Variants in SGCZ observed in about 807,000 individuals in gnomAD.
SGCZ encodes zeta-sarcoglycan.
A neutral mutation model predicts 41.3 loss-of-function variants in SGCZ; 40 were observed. The observed-to-expected ratio is 0.97, with a 90% CI of 0.75 to 1.26. The LOEUF (loss-of-function observed/expected upper bound fraction) is 1.26. Ranked by LOEUF, SGCZ falls within the 50% of genes most tolerant of loss-of-function variation. SGCZ has a pLI of 0.00. For synonymous variants in SGCZ, 206 were observed against 137.5 expected (o/e 1.50, Z -3.49); for missense variants, 552 against 369.8 (o/e 1.49, Z -4.04).
chr8:14,549,632 G>A (rs1803739216), intron 2 of SGCZ, among the ~76,000 whole-genome samples: 1 of 152,068 alleles, frequency 6.6e-6, no homozygotes, highest in Non-Finnish European at 1.5e-5. Context: ...AAAGGGACAA[G>A]GAAATGCGGG....
intron 1 of SGCZ, among the ~76,000 whole-genome samples, chr8:14,784,913 A>AAAAAAAAAAAAAATATATATAT (rs1408574493): frequency 1.1e-5 from 1 of 88,038 alleles, no homozygotes; most frequent in African/African-American, 4.7e-5. Context: ...AAAAAAAAAA[A>AAAAAAAAAAAAAATATATATAT]ATATATATAT....
intron 1 of SGCZ, among the ~76,000 whole-genome samples, chr8:15,211,736 T>A (rs758750891): frequency 6.6e-6 from 1 of 152,160 alleles, no homozygotes; most frequent in African/African-American, 2.4e-5. Context: ...TATTCTTATA[T>A]CTTCAACCTC....
chr8:14,345,047 A>AT (rs1348308670), intron 2 of SGCZ, among the ~76,000 whole-genome samples: 9 of 152,216 alleles, frequency 5.9e-5, no homozygotes, highest in Admixed American at 5.2e-4. Flanking sequence ...TACACACACA[A>AT]TTTTTTTCAT....
intron 4 of SGCZ, among the ~76,000 whole-genome samples, chr8:14,195,852 A>C (rs916421779): frequency 6.6e-6 from 1 of 152,184 alleles, no homozygotes; most frequent in African/African-American, 2.4e-5. Context: ...TTATAGATGT[A>C]GAATTACTGA....
At chr8:14,668,313 G>A (rs554840027) in intron 1 of SGCZ, among the ~76,000 whole-genome samples, 1 of 152,128 alleles carries the variant, frequency 6.6e-6, no homozygotes, top group African/African-American at 2.4e-5. Context: ...AATCTCTGTG[G>A]TGATTATATC....
intron 2 of SGCZ, among the ~76,000 whole-genome samples, chr8:14,383,390 A>T (rs1483823055): frequency 6.6e-6 from 1 of 152,208 alleles, no homozygotes. Flanking sequence ...AAGTCTAATG[A>T]TGGAGTGACC....
chr8:14,110,117 TTAAAAG>T (rs1397807110), intron 5 of SGCZ, among the ~76,000 whole-genome samples: 1 of 152,156 alleles, frequency 6.6e-6, no homozygotes, highest in Non-Finnish European at 1.5e-5. Context: ...AGGTGGGTCT[TTAAAAG>T]TAAAACAGTA....
chr8:14,192,427 T>G (rs1188555135), intron 4 of SGCZ, among the ~76,000 whole-genome samples: 1 of 151,888 alleles, frequency 6.6e-6, no homozygotes, highest in Non-Finnish European at 1.5e-5. Context: ...ATCTCTAGTG[T>G]TTTCTCATGT....
chr8:15,121,875 C>T (rs1807491205), intron 1 of SGCZ, among the ~76,000 whole-genome samples: 1 of 134,382 alleles, frequency 7.4e-6, no homozygotes, highest in African/African-American at 2.8e-5. Flanking sequence ...CATGACCAAA[C>T]ATGGGCTTTC....
At chr8:14,406,017 C>T (rs1337914164) in intron 2 of SGCZ, among the ~76,000 whole-genome samples, 1 of 152,100 alleles carries the variant, frequency 6.6e-6, no homozygotes, top group Admixed American at 6.6e-5. Flanking sequence ...TTCAGCTATT[C>T]ATGAACAGCT....
intron 1 of SGCZ, among the ~76,000 whole-genome samples, chr8:14,710,371 A>C (rs1429569743): frequency 4.0e-5 from 1 of 25,280 alleles, no homozygotes; most frequent in South Asian, 1.7e-3. Context: ...CTCCGCATCA[A>C]AAAAAAAAAA....
At chr8:14,321,389 A>G (rs1801914404) in intron 3 of SGCZ, among the ~76,000 whole-genome samples, 1 of 152,022 alleles carries the variant, frequency 6.6e-6, no homozygotes, top group African/African-American at 2.4e-5. Context: ...TTAGCGATGG[A>G]GAGAGGGTGA....
chr8:14,815,607 C>G (rs1333740430), intron 1 of SGCZ, among the ~76,000 whole-genome samples: 1 of 152,174 alleles, frequency 6.6e-6, no homozygotes, highest in Non-Finnish European at 1.5e-5. Flanking sequence ...TAGTACCACA[C>G]AGAGTATGTA....
chr8:15,211,703 T>G (rs577327498), intron 1 of SGCZ, among the ~76,000 whole-genome samples: 7 of 152,170 alleles, frequency 4.6e-5, no homozygotes, highest in Non-Finnish European at 1.0e-4. Flanking sequence ...TGAATGGGAC[T>G]GGTTCTAGTA....
intron 2 of SGCZ, among the ~76,000 whole-genome samples, chr8:14,444,869 G>T (rs1800387730): frequency 6.6e-6 from 1 of 152,092 alleles, no homozygotes; most frequent in Non-Finnish European, 1.5e-5. Context: ...GTTTTGAAAT[G>T]ACTGTTAATA....
chr8:14,124,601 T>G (rs1475211949), intron 5 of SGCZ, among the ~76,000 whole-genome samples: 1 of 152,208 alleles, frequency 6.6e-6, no homozygotes, highest in Non-Finnish European at 1.5e-5. Context: ...TCATTCATCT[T>G]AATCTCTTGC....
intron 1 of SGCZ, among the ~76,000 whole-genome samples, chr8:14,668,874 A>G (rs1808002650): frequency 2.0e-5 from 3 of 152,150 alleles, no homozygotes; most frequent in Non-Finnish European, 4.4e-5. Flanking sequence ...GAAATAAATC[A>G]CTACAATAAA....
chr8:15,079,045 T>C (rs1384002641), intron 1 of SGCZ, among the ~76,000 whole-genome samples: 1 of 152,162 alleles, frequency 6.6e-6, no homozygotes, highest in African/African-American at 2.4e-5. Flanking sequence ...TCCAAATCCT[T>C]ACAGAGTCTC....
At chr8:15,125,469 C>A (rs1378029) in intron 1 of SGCZ, among the ~76,000 whole-genome samples, 71,200 of 151,994 alleles carry the variant, frequency 0.47, 19,015 homozygotes, top group Admixed American at 0.63. Flanking sequence ...CTTCTTTGTG[C>A]AAACTTCTCT....
Sources: gnomAD v4.1 joint callset for allele counts (sites outside exome capture counted in the v4.1 genomes callset) on GRCh38, gnomAD v4.1.1 for gene constraint, MANE v1.5 for transcripts, NCBI Gene and HGNC (gene_info 2026-07-23, HGNC 2026-07-21) for gene names.